Variants in DLG2 observed in about 807,000 individuals in gnomAD.
The protein encoded by DLG2 is disks large homolog 2.
A neutral mutation model predicts 132.5 loss-of-function variants in DLG2; 45 were observed. That is an observed-to-expected ratio of 0.34 (90% CI 0.27 to 0.44). The LOEUF (loss-of-function observed/expected upper bound fraction) is 0.44. Ranked by LOEUF, DLG2 falls within the 20% of genes least tolerant of loss-of-function variation. DLG2 has a pLI of 1.00. For synonymous variants in DLG2, 424 were observed against 419.6 expected, an observed-to-expected ratio of 1.01 and a Z score of -0.13; for missense variants, 1,045 against 1,196.9, an observed-to-expected ratio of 0.87 and a Z score of 1.87.
At chr11:83,829,653 T>C (rs1225037025) in intron 17 of DLG2, among the ~76,000 whole-genome samples, 1 of 152,216 alleles carries the variant, frequency 6.6e-6, no homozygotes, top group African/African-American at 2.4e-5. Context: ...ATTGTAATGT[T>C]TGAGCTTCTC....
At chr11:84,474,861 T>A (rs1200065741) in intron 7 of DLG2, among the ~76,000 whole-genome samples, 1 of 151,874 alleles carries the variant, frequency 6.6e-6, no homozygotes, top group Admixed American at 6.6e-5. Context: ...CAAAGGGAGG[T>A]CATATTAACT....
chr11:84,905,066 G>A (rs4943904), intron 6 of DLG2, among the ~76,000 whole-genome samples: 80,508 of 151,742 alleles, frequency 0.53, 21,595 homozygotes, highest in South Asian at 0.62. Context: ...TTTTATTTTT[G>A]GTAGACACAG....
chr11:84,059,241 T>C lies in DLG2; in HGVS notation c.919+74A>G, dbSNP rs897403589. 4.9e-6 allele frequency: 7 copies of C among 1,441,410 alleles called. No individual in the cohort carries two copies. The African/African-American group carries it at 7.1e-5, about 15-fold the overall frequency. 89.3% of individuals were successfully genotyped at this position (1,441,410 alleles called of 1,614,324 possible). A position where few individuals can be genotyped will look rare whatever the true frequency, so the allele number is the denominator to read the frequency against. ...ATGTCAGAGGTTAAAGAGTTCATCA[T>C]ACGACTATCGTGGCATAAACTTCAG... On this transcript the variant is annotated intron_variant, in intron 11 of 27. Transcript: ENST00000376104.
intron 7 of DLG2, among the ~76,000 whole-genome samples, chr11:84,395,682 T>C (rs2098808531): frequency 6.6e-6 from 1 of 152,232 alleles, no homozygotes; most frequent in East Asian, 1.9e-4. Flanking sequence ...GTCTGGTACT[T>C]TGAAGGAATT....
chr11:84,062,976 T>C (rs1034566378), intron 10 of DLG2, among the ~76,000 whole-genome samples: 4 of 152,174 alleles, frequency 2.6e-5, no homozygotes, highest in African/African-American at 4.8e-5. Flanking sequence ...CATGTAAGTA[T>C]ATAATTAGCT....
chr11:85,253,763 G>A (rs1490626524), intron 4 of DLG2, among the ~76,000 whole-genome samples: 5 of 152,124 alleles, frequency 3.3e-5, no homozygotes. Flanking sequence ...GATGGTAAAT[G>A]TGGGAGATTT....
At chr11:84,595,559 T>C (rs1035393238) in intron 6 of DLG2, among the ~76,000 whole-genome samples, 1 of 151,960 alleles carries the variant, frequency 6.6e-6, no homozygotes, top group African/African-American at 2.4e-5. Flanking sequence ...TGAGATCCAG[T>C]GGGAGAGTCT....
chr11:84,865,052 C>T (rs975052916), intron 6 of DLG2, among the ~76,000 whole-genome samples: 1 of 152,114 alleles, frequency 6.6e-6, no homozygotes, highest in African/African-American at 2.4e-5. Flanking sequence ...AAGGGCTTGA[C>T]AGTGGCCAGA....
At chr11:84,434,910 C>T (rs1266199513) in intron 7 of DLG2, among the ~76,000 whole-genome samples, 2 of 126,954 alleles carry the variant, frequency 1.6e-5, no homozygotes, top group Non-Finnish European at 3.2e-5. Context: ...AATAAACTGT[C>T]ACCTACTGAA....
intron 3 of DLG2, among the ~76,000 whole-genome samples, chr11:85,588,291 C>T (rs1197601343): frequency 6.6e-6 from 1 of 152,142 alleles, no homozygotes; most frequent in Admixed American, 6.5e-5. Context: ...GTTTCCCAAA[C>T]TTTTAGATTT....
intron 6 of DLG2, among the ~76,000 whole-genome samples, chr11:84,932,344 C>T (rs983338316): frequency 2.6e-5 from 4 of 152,130 alleles, no homozygotes; most frequent in African/African-American, 9.7e-5. Context: ...ATATAACTAG[C>T]CAGTTAGCAC....
intron 7 of DLG2, among the ~76,000 whole-genome samples, chr11:84,318,818 G>A (rs2098384876): frequency 6.6e-6 from 1 of 152,126 alleles, no homozygotes; most frequent in Non-Finnish European, 1.5e-5. Context: ...TATGTTAATG[G>A]CCATTTTTCT....
At chr11:84,725,007 C>A (rs1425028866) in intron 6 of DLG2, among the ~76,000 whole-genome samples, 2 of 152,088 alleles carry the variant, frequency 1.3e-5, no homozygotes, top group Non-Finnish European at 2.9e-5. Flanking sequence ...ATTTTATTAG[C>A]TAAGGAATGT....
intron 15 of DLG2, among the ~76,000 whole-genome samples, chr11:83,888,784 C>T (rs1239252466): frequency 2.6e-5 from 4 of 152,056 alleles, no homozygotes; most frequent in Non-Finnish European, 4.4e-5. Context: ...CAGAACAGAG[C>T]CCTCAGAAAT....
chr11:84,988,191 G>C (rs1369263239), intron 6 of DLG2, among the ~76,000 whole-genome samples: 1 of 152,132 alleles, frequency 6.6e-6, no homozygotes, highest in East Asian at 1.9e-4. Flanking sequence ...AACACAATTT[G>C]ATACCACCTT....
intron 6 of DLG2, among the ~76,000 whole-genome samples, chr11:84,857,198 A>C (rs1423421829): frequency 2.6e-5 from 4 of 152,052 alleles, no homozygotes; most frequent in Admixed American, 6.6e-5. Context: ...AAAAGTAGGA[A>C]GTATCTAGAA....
chr11:84,881,519 T>C (rs1248558981), intron 6 of DLG2, among the ~76,000 whole-genome samples: 1 of 152,116 alleles, frequency 6.6e-6, no homozygotes, highest in Non-Finnish European at 1.5e-5. Flanking sequence ...AAGGGTCCAG[T>C]ATTTCTTAAC....
intron 7 of DLG2, among the ~76,000 whole-genome samples, chr11:84,337,288 A>G (rs914008825): frequency 1.3e-5 from 2 of 152,158 alleles, no homozygotes; most frequent in African/African-American, 4.8e-5. Flanking sequence ...ACGTGGTTCA[A>G]CCCCAGAGCA....
intron 17 of DLG2, among the ~76,000 whole-genome samples, chr11:83,818,186 C>T (rs2049636183): frequency 6.6e-6 from 1 of 152,120 alleles, no homozygotes; most frequent in South Asian, 2.1e-4. Flanking sequence ...ACTCCTCATC[C>T]CGTTTATTCA....
Sources: gnomAD v4.1 joint callset for allele counts (sites outside exome capture counted in the v4.1 genomes callset) on GRCh38, gnomAD v4.1.1 for gene constraint, MANE v1.5 for transcripts, NCBI Gene and HGNC (gene_info 2026-07-23, HGNC 2026-07-21) for gene names.